POFUT1: variants seen among roughly 807,000 people sequenced by gnomAD.
The protein encoded by POFUT1 is GDP-fucose protein O-fucosyltransferase 1.
In POFUT1, 16 loss-of-function variants were observed where a neutral mutation model predicts 42.4. The observed-to-expected ratio is 0.38, with a 90% CI of 0.26 to 0.57. The LOEUF is 0.57. POFUT1 is among the 20% of genes least tolerant of loss of function. The pLI, the probability that POFUT1 is intolerant of heterozygous loss-of-function variation, is 0.71. For missense variants in POFUT1, 470 were observed against 504.6 expected, an observed-to-expected ratio of 0.93 and a Z score of 0.66; for synonymous variants, 206 against 205.4, an observed-to-expected ratio of 1.00 and a Z score of -0.03.
At chr20:32,208,275 G>T (rs2047305049) in intron 1 of POFUT1, among the ~76,000 whole-genome samples, 1 of 152,184 alleles carries the variant, frequency 6.6e-6, no homozygotes, top group African/African-American at 2.4e-5. Context: ...GAAAACTGAG[G>T]CTGGGAGAGG....
intron 4 of POFUT1, among the ~76,000 whole-genome samples, chr20:32,224,108 T>C (rs1461940992): frequency 6.6e-6 from 1 of 152,190 alleles, no homozygotes; most frequent in Non-Finnish European, 1.5e-5. Context: ...AACTGGAGTC[T>C]AGGCCAGGCG....
chr20:32,223,529 ATCCTGATAT>A, intron 4 of POFUT1: 1 of 981,256 alleles, frequency 1.0e-6, no homozygotes, highest in Non-Finnish European at 1.2e-6. Context: ...TCCTGGTTTT[ATCCTGATAT>A]TCCAGCCCCA....
At chr20:32,223,125 G>A (rs2047398813) in intron 4 of POFUT1, 2 of 985,474 alleles carry the variant, frequency 2.0e-6, no homozygotes, top group East Asian at 2.3e-4. Flanking sequence ...GAGAATCTCA[G>A]CAGCACAGGC....
At chr20:32,227,146 A>G (rs2047418524) in intron 4 of POFUT1, among the ~76,000 whole-genome samples, 1 of 152,200 alleles carries the variant, frequency 6.6e-6, no homozygotes, top group Non-Finnish European at 1.5e-5. Context: ...AACATGGAAC[A>G]GCAAGGGGTT....
At chr20:32,210,024 C>T (rs1477486857) in intron 1 of POFUT1, 47 bp from the exon 2 acceptor site, 2 of 1,612,206 alleles carry the variant, frequency 1.2e-6, no homozygotes, top group African/African-American at 2.7e-5. Context: ...ATGCTCTATG[C>T]CCTCCATGCC....
chr20:32,232,916 A>G (rs940316353), intron 6 of POFUT1, among the ~76,000 whole-genome samples: 1 of 152,186 alleles, frequency 6.6e-6, no homozygotes, highest in Admixed American at 6.5e-5. Context: ...GTGCTGAGTA[A>G]GGGTACCAGT....
intron 2 of POFUT1, among the ~76,000 whole-genome samples, chr20:32,213,548 A>AGTTT (rs2047342155): frequency 6.6e-6 from 1 of 152,038 alleles, no homozygotes; most frequent in African/African-American, 2.4e-5. Flanking sequence ...CGAGGTGGAC[A>AGTTT]GATCACGAGG....
rs1254561628 is a variant in POFUT1 at position 32,234,955 on chromosome 20, C to A, written c.*294C>A. ...AGCCTCCGTCTTCTGGTCCACTCTGCTCTGAGCAGCCTGGGATGCTGAACT... is the reference window on the plus strand; with the variant it reads ...AGCCTCCGTCTTCTGGTCCACTCTGATCTGAGCAGCCTGGGATGCTGAACT... On this transcript the variant is annotated 3_prime_UTR_variant, in exon 7 of 7. Transcript: ENST00000375749. 1 of 319,320 alleles carries A rather than the reference C, an allele frequency of 3.1e-6. No homozygotes were observed. Among genetic ancestry groups the A allele is most frequent in the African/African-American group, 2.1e-5 (1 of 47,082 alleles). 19.8% of individuals were successfully genotyped at this position (319,320 alleles called of 1,614,324 possible). A position where few individuals can be genotyped will look rare whatever the true frequency, so the allele number is the denominator to read the frequency against.
chr20:32,220,865 C>T (rs1019303918), intron 4 of POFUT1, among the ~76,000 whole-genome samples: 53 of 152,090 alleles, frequency 3.5e-4, no homozygotes, highest in African/African-American at 1.2e-3. Context: ...CACTTGACCT[C>T]TCCATGTGGC....
intron 6 of POFUT1, among the ~76,000 whole-genome samples, chr20:32,234,059 T>G (rs1884865): frequency 0.28 from 41,900 of 151,998 alleles, 8,049 homozygotes; most frequent in African/African-American, 0.54. Flanking sequence ...TGGTGCACAC[T>G]TGTAGTCCCA....
intron 1 of POFUT1, among the ~76,000 whole-genome samples, chr20:32,208,332 G>A (rs2047305722): frequency 1.3e-5 from 2 of 152,134 alleles, no homozygotes; most frequent in Admixed American, 1.3e-4. Context: ...TCCAGTAAAT[G>A]GAGTTAGTGG....
Position 32,208,017 on chromosome 20 carries a change from G to T in POFUT1, c.76G>T (p.Ala26Ser). The T allele has an allele frequency of 6.3e-7, 1 of 1,578,560 alleles. No individual in the cohort carries two copies. ...GCTTCTGCCGCTCCCGGGGATGCCT[G>T]CGGGCTCCTGGGACCCGGCCGGTTA... ...LLLLPLPGMP[A>S]GSWDPAGYLL... The change falls in exon 1 of 7, where the codon GCG becomes TCG. Residue 26 changes from alanine (A) to serine (S), a missense_variant. By Grantham distance (99) the Ala-to-Ser change is moderately conservative (BLOSUM62 1). Coordinates refer to ENST00000375749, the MANE Select transcript of POFUT1 (RefSeq NM_015352.2).
At chr20:32,224,269 G>A (rs1423254786) in intron 4 of POFUT1, among the ~76,000 whole-genome samples, 7 of 152,156 alleles carry the variant, frequency 4.6e-5, no homozygotes, top group Non-Finnish European at 7.3e-5. Context: ...GCACGTGCCT[G>A]TAATCCCAGC....
intron 4 of POFUT1, among the ~76,000 whole-genome samples, chr20:32,219,353 T>A (rs555150169): frequency 6.6e-6 from 1 of 151,954 alleles, no homozygotes; most frequent in Non-Finnish European, 1.5e-5. Context: ...CAGCAGGAAG[T>A]CAGGAGCAAA....
intron 4 of POFUT1, chr20:32,217,586 C>T (rs2047368886): frequency 1.0e-6 from 1 of 985,654 alleles, no homozygotes; most frequent in Non-Finnish European, 1.2e-6. Context: ...CACTCCAGCC[C>T]AGGTTACAGA....
chr20:32,212,259 A>G (rs2047333265), intron 2 of POFUT1, among the ~76,000 whole-genome samples: 1 of 151,172 alleles, frequency 6.6e-6, no homozygotes, highest in Admixed American at 6.6e-5. Flanking sequence ...CTCCATAATT[A>G]CAGGCCTGTG....
intron 4 of POFUT1, among the ~76,000 whole-genome samples, chr20:32,224,483 CT>C (rs2047405315): frequency 6.6e-6 from 1 of 152,160 alleles, no homozygotes; most frequent in Non-Finnish European, 1.5e-5. Context: ...GGTCCGAGGC[CT>C]GTGTAAGTGA....
At chr20:32,210,973 G>A (rs2047324684) in intron 2 of POFUT1, among the ~76,000 whole-genome samples, 1 of 152,306 alleles carries the variant, frequency 6.6e-6, no homozygotes, top group South Asian at 2.1e-4. Flanking sequence ...TATTTACAGA[G>A]GTTTTGAGCA....
At position 32,237,806 on chromosome 20, in the gene POFUT1, T is replaced by A. The variant is rs1330562695; in HGVS notation, c.*3145T>A. On this transcript the variant is annotated 3_prime_UTR_variant, in exon 7 of 7. Coordinates refer to ENST00000375749, the MANE Select transcript of POFUT1 (RefSeq NM_015352.2). The stretch of plus-strand genomic sequence containing the variant: ...CAGGGTTGCAGGCGAGAGACTGGGG[T>A]GCTGGGCTCCCCTAGACTAGGACTC... The A allele has an allele frequency of 1.9e-6, 1 of 534,518 alleles. No homozygotes were observed. Among genetic ancestry groups the A allele is most frequent in the Admixed American group, 1.9e-5 (1 of 51,584 alleles). 33.1% of individuals were successfully genotyped at this position (534,518 alleles called of 1,614,324 possible).
Sources: gnomAD v4.1 joint callset for allele counts (sites outside exome capture counted in the v4.1 genomes callset) on GRCh38, gnomAD v4.1.1 for gene constraint, MANE v1.5 for transcripts, NCBI Gene and HGNC (gene_info 2026-07-23, HGNC 2026-07-21) for gene names.